The following TIMM13 variants were observed in gnomAD, a reference collection of about 807,000 sequenced individuals.
TIMM13 encodes the protein mitochondrial import inner membrane translocase subunit Tim13.
In TIMM13, 8 loss-of-function variants were observed where a neutral mutation model predicts 10.9. The ratio of observed to expected loss-of-function variants is 0.73; its 90% CI spans 0.43 to 1.32. TIMM13 has a LOEUF of 1.32. Among genes scored for constraint, TIMM13 ranks in the 40% most tolerant of loss-of-function variants. The pLI is 0.01. For synonymous variants in TIMM13, 68 were observed against 52.5 expected, an observed-to-expected ratio of 1.30 and a Z score of -1.28; for missense variants, 147 against 132.8, an observed-to-expected ratio of 1.11 and a Z score of -0.53.
rs766288552 is a variant in TIMM13 at position 2,425,932 on chromosome 19, C to G, written c.*1016G>C. 7.5e-6 allele frequency: 12 copies of G among 1,594,580 alleles called. No individual in the cohort carries two copies. Among genetic ancestry groups the G allele is most frequent in the Admixed American group, 1.8e-5 (1 of 54,492 alleles). ...CTTTCTTCTCTCCCCAACAGGGTGA[C>G]GCTGGGGGACCCCTGGCCTGCAGGG... On this transcript the variant is annotated 3_prime_UTR_variant, in exon 3 of 3. Transcript: ENST00000215570.
Position 2,426,167 on chromosome 19 carries a change from T to C in TIMM13, c.*781A>G. ...GGCCACCCAACACCCCACCCCACCG[T>C]ACCCTACCCAAGGACGGGTGTGGGG... On this transcript the variant is annotated 3_prime_UTR_variant, in exon 3 of 3. Coordinates refer to ENST00000215570, the MANE Select transcript of TIMM13 (RefSeq NM_012458.4). 1.3e-6 allele frequency: 2 copies of C among 1,524,820 alleles called. No individual in the cohort carries two copies. The highest frequency in any genetic ancestry group is 2.4e-5 in the East Asian group (1 of 41,914). The allele number at this position is 1,524,820 out of a possible 1,614,324, so 94.5% of individuals were successfully genotyped here.
chr19:2,426,157 C>A lies in TIMM13; in HGVS notation c.*791G>T. On this transcript the variant is annotated 3_prime_UTR_variant, in exon 3 of 3. Transcript: ENST00000215570. ...AGGAGCAGCAGGCCACCCAACACCC[C>A]ACCCCACCGTACCCTACCCAAGGAC... is the stretch of plus-strand genomic sequence containing the variant. 6.4e-7 allele frequency: 1 copy of A among 1,556,310 alleles called. No homozygotes were observed. The highest frequency in any genetic ancestry group is 8.7e-7 in the Non-Finnish European group (1 of 1,155,990).
chr19:2,426,134 G>A lies in TIMM13; in HGVS notation c.*814C>T, dbSNP rs780097451. The A allele has an allele frequency of 1.1e-5, 17 of 1,500,508 alleles. No individual in the cohort carries two copies. The highest frequency in any genetic ancestry group is 4.2e-5 in the Admixed American group (2 of 47,320). 92.9% of individuals were successfully genotyped at this position (1,500,508 alleles called of 1,614,324 possible). A position where few individuals can be genotyped will look rare whatever the true frequency, so the allele number is the denominator to read the frequency against. On this transcript the variant is annotated 3_prime_UTR_variant, in exon 3 of 3. Transcript: ENST00000215570. ...CCGAGACTCTACGTGAAAGCAACAG[G>A]AGCAGCAGGCCACCCAACACCCCAC...
In TIMM13 at chr19:2,426,823, G is replaced by C. The variant is rs554730342; in HGVS notation, c.*125C>G. On this transcript the variant is annotated 3_prime_UTR_variant, in exon 3 of 3. Coordinates refer to ENST00000215570, the MANE Select transcript of TIMM13 (RefSeq NM_012458.4). ...CAGGGCGGGGGGTGGCGAGGACACA[G>C]TCCCGTGTGTCCCAGCACCGGTGCC... 218 of 944,566 alleles carry C rather than the reference G, an allele frequency of 2.3e-4. 1 individual carries two copies. The African/African-American group carries it at 3.0e-3, about 13-fold the overall frequency. The allele number at this position is 944,566 out of a possible 1,614,324, so 58.5% of individuals were successfully genotyped here. A position where few individuals can be genotyped will look rare whatever the true frequency, so the allele number is the denominator to read the frequency against.
Position 2,426,886 on chromosome 19 carries a change from G to C in TIMM13, c.*62C>G, listed in dbSNP as rs1971651179. 2 of 1,501,782 alleles carry C rather than the reference G, an allele frequency of 1.3e-6. No homozygotes were observed. The highest frequency in any genetic ancestry group is 1.8e-6 in the Non-Finnish European group (2 of 1,106,754). 93.0% of individuals were successfully genotyped at this position (1,501,782 alleles called of 1,614,324 possible). A position where few individuals can be genotyped will look rare whatever the true frequency, so the allele number is the denominator to read the frequency against. ...CCCGGGCAGGCAGTACGTACATGCG[G>C]ACCCCGCCTCTCAAAGCACGTTTAT... On this transcript the variant is annotated 3_prime_UTR_variant, in exon 3 of 3. Coordinates refer to ENST00000215570, the MANE Select transcript of TIMM13 (RefSeq NM_012458.4).
rs1971608944 is a variant in TIMM13, at chr19:2,425,780, C to T, written c.*1168G>A. ...GTGGCGGGTGTCCATAAATGTCTGC[C>T]ACCTTTGCATTGAGCCCATTTTCCA... On this transcript the variant is annotated 3_prime_UTR_variant, in exon 3 of 3. Coordinates refer to ENST00000215570, the MANE Select transcript of TIMM13 (RefSeq NM_012458.4). The T allele has an allele frequency of 4.7e-6, 6 of 1,278,746 alleles. No individual in the cohort carries two copies. Among genetic ancestry groups the T allele is most frequent in the Middle Eastern group, 2.8e-4 (1 of 3,572 alleles). 79.2% of individuals were successfully genotyped at this position (1,278,746 alleles called of 1,614,324 possible). A position where few individuals can be genotyped will look rare whatever the true frequency, so the allele number is the denominator to read the frequency against.
intron 2 of TIMM13, 96 bp downstream of exon 2, chr19:2,427,160 C>T: frequency 1.3e-6 from 2 of 1,571,086 alleles, no homozygotes; most frequent in Non-Finnish European, 1.7e-6. Context: ...AGTGACCACT[C>T]CGTCGCACCT....
chr19:2,426,370 G>C lies in TIMM13; in HGVS notation c.*578C>G. 2.5e-6 allele frequency: 1 copy of C among 407,778 alleles called. No individual in the cohort carries two copies. Among genetic ancestry groups the C allele is most frequent in the Non-Finnish European group, 4.4e-6 (1 of 227,604 alleles). 25.3% of individuals were successfully genotyped at this position (407,778 alleles called of 1,614,324 possible). ...TCAAAGCAAGCCCTGACAAGGGGAA[G>C]GCTGTCCCCCTTAGCCTTTGGGGCA... On this transcript the variant is annotated 3_prime_UTR_variant, in exon 3 of 3. Coordinates refer to ENST00000215570, the MANE Select transcript of TIMM13 (RefSeq NM_012458.4).
Position 2,426,933 on chromosome 19 carries a change from G to A in TIMM13, c.*15C>T. 1.3e-6 allele frequency: 2 copies of A among 1,568,586 alleles called. No individual in the cohort carries two copies. Among genetic ancestry groups the A allele is most frequent in the Non-Finnish European group, 1.7e-6 (2 of 1,157,382 alleles). On this transcript the variant is annotated 3_prime_UTR_variant, in exon 3 of 3. Coordinates refer to ENST00000215570, the MANE Select transcript of TIMM13 (RefSeq NM_012458.4). ...TTATGGAAATGAACAGGGTGGGGTG[G>A]CCCGCGCTCGCCGGTCACATGTTGG...
At position 2,427,489 on chromosome 19, in the gene TIMM13, C is replaced by G. The variant is rs1290265131; in HGVS notation, c.45G>C (p.Gly15=). ...FGSDFGGSGS[G]KLDPGLIMEQ... ...CCATTATGAGCCCTGGGTCCAGCTT[C>G]CCGCTGCCGGAGCCCCCGAAATCGG... The change falls in exon 1 of 3, where the codon GGG becomes GGC. Residue 15 remains glycine, a synonymous_variant. Coordinates refer to ENST00000215570, the MANE Select transcript of TIMM13 (RefSeq NM_012458.4). 6.8e-6 allele frequency: 11 copies of G among 1,611,956 alleles called. No homozygotes were observed. Among genetic ancestry groups the G allele is most frequent in the Admixed American group, 6.7e-5 (4 of 59,876 alleles).
rs1362632175 is a variant in TIMM13, at chr19:2,426,016, G to A, written c.*932C>T. 1 of 1,607,964 alleles carries A rather than the reference G, an allele frequency of 6.2e-7. No individual in the cohort carries two copies. The highest frequency in any genetic ancestry group is 8.5e-7 in the Non-Finnish European group (1 of 1,177,968). On this transcript the variant is annotated 3_prime_UTR_variant, in exon 3 of 3. Coordinates refer to ENST00000215570, the MANE Select transcript of TIMM13 (RefSeq NM_012458.4). ...CTAGCTGGGGCTATGGCTGTGGCCGGCCCCACTTCCCAGGTGTCTATACCC... is the reference window on the plus strand; with the variant it reads ...CTAGCTGGGGCTATGGCTGTGGCCGACCCCACTTCCCAGGTGTCTATACCC...
rs1971643634 is a variant in TIMM13, at chr19:2,426,673, G to GCTGA, written c.*271_*274dup. The GCTGA allele has an allele frequency of 1.9e-6, 1 of 540,038 alleles. No homozygotes were observed. Among genetic ancestry groups the GCTGA allele is most frequent in the Middle Eastern group, 5.0e-4 (1 of 2,020 alleles). The allele number at this position is 540,038 out of a possible 1,614,324, so 33.5% of individuals were successfully genotyped here. A position where few individuals can be genotyped will look rare whatever the true frequency, so the allele number is the denominator to read the frequency against. ...ACAAGCTGTCCGCCCAGAATATGAG[G>GCTGA]CTGACTTGGGCACACTAGGGGAATA... On this transcript the variant is annotated 3_prime_UTR_variant, in exon 3 of 3. Coordinates refer to ENST00000215570, the MANE Select transcript of TIMM13 (RefSeq NM_012458.4).
rs1435989993 is a variant in TIMM13, at chr19:2,426,731, G to A, written c.*217C>T. On this transcript the variant is annotated 3_prime_UTR_variant, in exon 3 of 3. Coordinates refer to ENST00000215570, the MANE Select transcript of TIMM13 (RefSeq NM_012458.4). ...GGCCTGAAGGAGGTGCCACTGGGCT[G>A]CCAGCACTTCAGGAAGGCACAGGGC... is the stretch of plus-strand genomic sequence containing the variant. The A allele has an allele frequency of 6.6e-6, 4 of 604,694 alleles. No homozygotes were observed. The highest frequency in any genetic ancestry group is 1.2e-5 in the Non-Finnish European group (4 of 338,142). The allele number at this position is 604,694 out of a possible 1,614,324, so 37.5% of individuals were successfully genotyped here. A position where few individuals can be genotyped will look rare whatever the true frequency, so the allele number is the denominator to read the frequency against.
Position 2,425,866 on chromosome 19 carries a change from C to G in TIMM13, c.*1082G>C, listed in dbSNP as rs1599324026. ...GGGTCACTCCTAGAGGGGCCAATGACCCAAGGGCTGCTGTAGGGGAGGTAC... is the reference window on the plus strand; with the variant it reads ...GGGTCACTCCTAGAGGGGCCAATGAGCCAAGGGCTGCTGTAGGGGAGGTAC... On this transcript the variant is annotated 3_prime_UTR_variant, in exon 3 of 3. Transcript: ENST00000215570. 3.9e-6 allele frequency: 6 copies of G among 1,522,980 alleles called. No individual in the cohort carries two copies. The highest frequency in any genetic ancestry group is 5.2e-6 in the Non-Finnish European group (6 of 1,142,980). 94.3% of individuals were successfully genotyped at this position (1,522,980 alleles called of 1,614,324 possible). A position where few individuals can be genotyped will look rare whatever the true frequency, so the allele number is the denominator to read the frequency against.
chr19:2,427,236 C>T lies in TIMM13; in HGVS notation c.189+20G>A. ...ATCTAGGCCCTCGCGACCCTTGCCC[C>T]GAACCTCCGCGGGTCTCACCTGCTC... On this transcript the variant is annotated intron_variant, in intron 2 of 2. Coordinates refer to ENST00000215570, the MANE Select transcript of TIMM13 (RefSeq NM_012458.4). 1 of 1,612,100 alleles carries T rather than the reference C, an allele frequency of 6.2e-7. No individual in the cohort carries two copies. The highest frequency in any genetic ancestry group is 8.5e-7 in the Non-Finnish European group (1 of 1,179,464).
rs1490082514 is a variant in TIMM13 at position 2,426,542 on chromosome 19, G to A, written c.*406C>T. 1.6e-5 allele frequency: 5 copies of A among 304,152 alleles called. No individual in the cohort carries two copies. The South Asian group carries it at 2.2e-4, about 13-fold the overall frequency. The allele number at this position is 304,152 out of a possible 1,614,324, so 18.8% of individuals were successfully genotyped here. ...GTCACCTCTTCCCAGAGACCCCTCA[G>A]GAGGGAAATAAAGAGGTTTCTCTCC... On this transcript the variant is annotated 3_prime_UTR_variant, in exon 3 of 3. Coordinates refer to ENST00000215570, the MANE Select transcript of TIMM13 (RefSeq NM_012458.4).
rs1192750241 is a variant in TIMM13 at position 2,425,901 on chromosome 19, A to G, written c.*1047T>C. On this transcript the variant is annotated 3_prime_UTR_variant, in exon 3 of 3. Transcript: ENST00000215570. Reference sequence around the variant, plus strand: ...GCTGTAGGGGAGGTACCGGCCTCTGAACCCCCTTTCTTCTCTCCCCAACAG... The same window carrying G: ...GCTGTAGGGGAGGTACCGGCCTCTGGACCCCCTTTCTTCTCTCCCCAACAG... 3.2e-6 allele frequency: 5 copies of G among 1,565,728 alleles called. No homozygotes were observed. In the East Asian group the frequency reaches 1.2e-4, roughly 36 times the overall value.
rs1228732439 is a variant in TIMM13 at position 2,425,666 on chromosome 19, T to C, written c.*1282A>G. 1.7e-5 allele frequency: 22 copies of C among 1,305,192 alleles called. No homozygotes were observed. The highest frequency in any genetic ancestry group is 6.6e-5 in the Admixed American group (2 of 30,436). The allele number at this position is 1,305,192 out of a possible 1,614,324, so 80.9% of individuals were successfully genotyped here. ...GGAATTTCCACTCCACAGCCGTTTATTGGGCAACCCACCGCATCCCATCCC... is the reference window on the plus strand; with the variant it reads ...GGAATTTCCACTCCACAGCCGTTTACTGGGCAACCCACCGCATCCCATCCC... On this transcript the variant is annotated 3_prime_UTR_variant, in exon 3 of 3. Transcript: ENST00000215570.
At position 2,426,933 on chromosome 19, in the gene TIMM13, G is replaced by T. The variant is rs1237927009; in HGVS notation, c.*15C>A. On this transcript the variant is annotated 3_prime_UTR_variant, in exon 3 of 3. Transcript: ENST00000215570. ...TTATGGAAATGAACAGGGTGGGGTG[G>T]CCCGCGCTCGCCGGTCACATGTTGG... 1.9e-6 allele frequency: 3 copies of T among 1,568,470 alleles called. No individual in the cohort carries two copies. Among genetic ancestry groups the T allele is most frequent in the African/African-American group, 1.4e-5 (1 of 73,790 alleles).
Sources: allele counts gnomAD v4.1 joint callset, GRCh38; gene constraint gnomAD v4.1.1; transcripts MANE v1.5; gene names NCBI Gene and HGNC (gene_info 2026-07-23, HGNC 2026-07-21).